The following PPP1R12A variants were observed in gnomAD, a reference collection of about 807,000 sequenced individuals.
PPP1R12A encodes the protein protein phosphatase 1 regulatory subunit 12A.
Under a neutral mutation model 139.6 loss-of-function variants are expected in PPP1R12A, and 19 were observed. That is an observed-to-expected ratio of 0.14 (90% confidence interval 0.09 to 0.20). The LOEUF is 0.20. Ranked by LOEUF, PPP1R12A falls within the 10% of genes least tolerant of loss-of-function variation. The probability of loss-of-function intolerance (pLI) is 1.00; values close to 1 mark genes in which losing one functional copy is unlikely to be tolerated. For missense variants in PPP1R12A, 925 were observed against 1,211.5 expected (o/e 0.76, Z 3.51); for synonymous variants, 427 against 420.6 (o/e 1.02, Z -0.19).
At chr12:79,803,498 A>G (rs1242975535) in intron 14 of PPP1R12A, among the ~76,000 whole-genome samples, 1 of 152,182 alleles carries the variant, frequency 6.6e-6, no homozygotes, top group African/African-American at 2.4e-5. Flanking sequence ...CCCAAAGGGT[A>G]TACCTGTGTT....
At chr12:79,806,354 T>C in intron 12 of PPP1R12A, 21 bp from the exon 13 acceptor site, 1 of 1,600,860 alleles carries the variant, frequency 6.2e-7, no homozygotes, top group Non-Finnish European at 8.6e-7. Context: ...GAGTCATATC[T>C]ATATAGGATG....
intron 1 of PPP1R12A, among the ~76,000 whole-genome samples, chr12:79,919,199 C>T (rs1887237393): frequency 6.6e-6 from 1 of 152,064 alleles, no homozygotes; most frequent in Non-Finnish European, 1.5e-5. Context: ...CATAATCTTC[C>T]CTCCCTAACA....
chr12:79,802,062 T>C (rs1336251706), intron 14 of PPP1R12A, among the ~76,000 whole-genome samples: 1 of 152,226 alleles, frequency 6.6e-6, no homozygotes, highest in Non-Finnish European at 1.5e-5. Context: ...AATCTTGTTA[T>C]TAAAATTTAA....
chr12:79,883,954 T>C (rs1258608084), intron 1 of PPP1R12A, among the ~76,000 whole-genome samples: 3 of 152,174 alleles, frequency 2.0e-5, no homozygotes, highest in Admixed American at 6.5e-5. Flanking sequence ...CACTGGTTTT[T>C]ATGAGAGCTG....
intron 1 of PPP1R12A, among the ~76,000 whole-genome samples, chr12:79,892,755 TATC>T (rs1459503638): frequency 8.7e-5 from 13 of 149,360 alleles, no homozygotes; most frequent in Non-Finnish European, 1.6e-4. Flanking sequence ...AAAAAAAAAT[TATC>T]ATAGTATTTC....
chr12:79,912,141 C>T (rs1230065390), intron 1 of PPP1R12A, among the ~76,000 whole-genome samples: 1 of 152,164 alleles, frequency 6.6e-6, no homozygotes, highest in Non-Finnish European at 1.5e-5. Flanking sequence ...TATCTCTCCA[C>T]CCTCGACCAT....
rs1871133967 is a variant in PPP1R12A, at chr12:79,786,363, A to C, written c.2907+11T>G. On this transcript the variant is annotated intron_variant, in intron 22 of 24. Coordinates refer to ENST00000450142, the MANE Select transcript of PPP1R12A (RefSeq NM_002480.3). ...TTACCTTGAGAGTAACAAAAAGAAA[A>C]GGGTACAAACCTGGGTGGCCTTTTC... 6.8e-7 allele frequency: 1 copy of C among 1,474,644 alleles called. No individual in the cohort carries two copies. The highest frequency in any genetic ancestry group is 2.3e-5 in the Admixed American group (1 of 43,230). The allele number at this position is 1,474,644 out of a possible 1,614,324, so 91.3% of individuals were successfully genotyped here.
intron 1 of PPP1R12A, among the ~76,000 whole-genome samples, chr12:79,905,488 G>C (rs1886031803): frequency 6.6e-6 from 1 of 152,072 alleles, no homozygotes; most frequent in South Asian, 2.1e-4. Context: ...GAACTAGTAA[G>C]TGGCACAGAA....
chr12:79,776,943 G>C (rs1200774625), intron 24 of PPP1R12A, among the ~76,000 whole-genome samples: 1 of 152,014 alleles, frequency 6.6e-6, no homozygotes, highest in Non-Finnish European at 1.5e-5. Context: ...TGCAAAACTA[G>C]GTAAAGCAAA....
At position 79,821,069 on chromosome 12, in the gene PPP1R12A, T is replaced by G; in HGVS notation, c.956+9A>C. 6.2e-7 allele frequency: 1 copy of G among 1,603,956 alleles called. No homozygotes were observed. Among genetic ancestry groups the G allele is most frequent in the Non-Finnish European group, 8.5e-7 (1 of 1,171,672 alleles). ...AAAAATAACAAATGTACTTGAATAT[T>G]TTACTCACTTTTTAAAGGTCTTCTG... is the stretch of plus-strand genomic sequence containing the variant. On this transcript the variant is annotated intron_variant, in intron 7 of 24. Coordinates refer to ENST00000450142, the MANE Select transcript of PPP1R12A (RefSeq NM_002480.3).
At chr12:79,856,905 G>C (rs1219789892) in intron 2 of PPP1R12A, among the ~76,000 whole-genome samples, 2 of 152,210 alleles carry the variant, frequency 1.3e-5, no homozygotes, top group Admixed American at 1.3e-4. Flanking sequence ...TAGGCATATG[G>C]ATATCAGTCA....
chr12:79,801,917 T>C (rs993064959), intron 14 of PPP1R12A, among the ~76,000 whole-genome samples: 3 of 150,060 alleles, frequency 2.0e-5, no homozygotes, highest in African/African-American at 4.8e-5. Flanking sequence ...AACATACTTA[T>C]ATTAAGATGA....
At chr12:79,857,598 T>A (rs1313202510) in intron 2 of PPP1R12A, among the ~76,000 whole-genome samples, 2 of 151,574 alleles carry the variant, frequency 1.3e-5, no homozygotes, top group East Asian at 3.8e-4. Context: ...AATAAAAAAA[T>A]AATAAAATAA....
chr12:79,890,901 C>CA lies in PPP1R12A; in HGVS notation c.238-17964_238-17963insT, dbSNP rs1565800207. On this transcript the variant is annotated intron_variant, in intron 1 of 24. Transcript: ENST00000450142. Reference sequence around the variant, plus strand: ...ATACACACACACCACCCACCCACACCCACCCACACACACACACACACACAC... The same window carrying CA: ...ATACACACACACCACCCACCCACACCACACCCACACACACACACACACACAC... 5.2e-3 allele frequency among the ~76,000 whole-genome samples: 161 copies of CA among 30,958 alleles called. 2 individuals are homozygous for CA. The highest frequency in any genetic ancestry group is 0.047 in the East Asian group (53 of 1,132). 20.3% of individuals were successfully genotyped at this position (30,958 alleles called of 152,430 possible).
chr12:79,884,574 A>G (rs1476137110), intron 1 of PPP1R12A, among the ~76,000 whole-genome samples: 1 of 152,176 alleles, frequency 6.6e-6, no homozygotes, highest in African/African-American at 2.4e-5. Context: ...GGAGAATCAA[A>G]AGCTAACACA....
intron 1 of PPP1R12A, among the ~76,000 whole-genome samples, chr12:79,912,804 CT>C (rs1303819169): frequency 6.6e-6 from 1 of 152,094 alleles, no homozygotes; most frequent in Non-Finnish European, 1.5e-5. Flanking sequence ...TAACCAATCA[CT>C]TTAACAAAAA....
intron 14 of PPP1R12A, among the ~76,000 whole-genome samples, chr12:79,800,141 G>C (rs1298655777): frequency 6.6e-6 from 1 of 152,144 alleles, no homozygotes; most frequent in Non-Finnish European, 1.5e-5. Flanking sequence ...ACACCACCTA[G>C]CTCACATTTC....
chr12:79,931,057 T>C (rs1888218797), intron 1 of PPP1R12A, among the ~76,000 whole-genome samples: 2 of 152,192 alleles, frequency 1.3e-5, no homozygotes, highest in South Asian at 2.1e-4. Flanking sequence ...TTCCTGACGA[T>C]GTAAAATTGT....
chr12:79,895,779 G>A lies in PPP1R12A; in HGVS notation c.238-22841C>T, dbSNP rs75742256. On this transcript the variant is annotated intron_variant, in intron 1 of 24. Transcript: ENST00000450142. ...ATTTTGTCAACAATTACTATCATCT[G>A]TAAGGTACTATATGCTGGGAATACA... is the stretch of plus-strand genomic sequence containing the variant. 5.0e-3 allele frequency among the ~76,000 whole-genome samples: 767 copies of A among 152,268 alleles called. 4 individuals carry two copies. Among genetic ancestry groups the A allele is most frequent in the African/African-American group, 0.017 (727 of 41,558 alleles).
Sources: allele counts gnomAD v4.1 joint callset (sites outside exome capture counted in the v4.1 genomes callset), GRCh38; gene constraint gnomAD v4.1.1; transcripts MANE v1.5; gene names NCBI Gene and HGNC (gene_info 2026-07-23, HGNC 2026-07-21).